Variants in EIF3G observed in about 807,000 individuals in gnomAD.
The protein encoded by EIF3G is eukaryotic translation initiation factor 3 RNA-binding subunit.
A neutral mutation model predicts 41.7 loss-of-function variants in EIF3G; 10 were observed. That is an observed-to-expected ratio of 0.24 (90% confidence interval 0.15 to 0.41). The LOEUF is 0.41. Among genes scored for constraint, EIF3G ranks in the 10% least tolerant of loss-of-function variants. EIF3G has a pLI of 1.00. For missense variants in EIF3G, 297 were observed against 444.0 expected, an observed-to-expected ratio of 0.67 and a Z score of 2.98; for synonymous variants, 204 against 172.5, an observed-to-expected ratio of 1.18 and a Z score of -1.43.
chr19:10,115,744 C>G lies in EIF3G; in HGVS notation c.780G>C (p.Arg260=). The G allele has an allele frequency of 6.2e-7, 1 of 1,614,192 alleles. No individual in the cohort carries two copies. The highest frequency in any genetic ancestry group is 8.5e-7 in the Non-Finnish European group (1 of 1,180,040). ...TRETDLQELF[R]PFGSISRIYL... ...AGATGCGGGAGATGGAGCCGAAAGG[C>G]CGGAAGAGCTCCTGCAGGTCGGTCT... The change falls in exon 9 of 11, where the codon CGG becomes CGC. Residue 260 remains arginine (R), a synonymous_variant. Transcript: ENST00000253108.
Position 10,117,144 on chromosome 19 carries a change from G to C in EIF3G, c.345C>G (p.Pro115=), listed in dbSNP as rs1452509253. 3.7e-6 allele frequency: 6 copies of C among 1,613,332 alleles called. No homozygotes were observed. In the South Asian group the frequency reaches 6.6e-5, roughly 18 times the overall value. The change falls in exon 6 of 11, where the codon CCC becomes CCG. Residue 115 remains proline (P), a synonymous_variant. Transcript: ENST00000253108. ...CACTGACAGTGGTGGTGGCCACATT[G>C]GGTCCGGGGGGGTCAAACTCTGAGT... ...FGNSEFDPPG[P]NVATTTVSDD... is the part of the protein sequence containing the mutation.
At chr19:10,119,000 T>C (rs1242227642) in intron 3 of EIF3G, 44 bp from the exon 4 acceptor site, 2 of 1,613,448 alleles carry the variant, frequency 1.2e-6, no homozygotes, top group African/African-American at 1.3e-5. Flanking sequence ...CCCTGGGTCA[T>C]GGGGATCAGG....
In EIF3G at chr19:10,115,082, GGTCCCGGACCGAGTA is replaced by G. The variant is rs1233967733; in HGVS notation, c.*17_*31del. 1.2e-6 allele frequency: 2 copies of G among 1,613,728 alleles called. No individual in the cohort carries two copies. The highest frequency in any genetic ancestry group is 8.5e-7 in the Non-Finnish European group (1 of 1,179,990). ...TCGGAGGCTGTCTTCTGTCGCCAAG[GGTCCCGGACCGAGTA>G]CACAGTGGCAGCTGGCTTAGTTGGT... On this transcript the variant is annotated 3_prime_UTR_variant, in exon 11 of 11. Transcript: ENST00000253108.
intron 10 of EIF3G, 125 bp downstream of exon 10, chr19:10,115,354 G>C: frequency 8.2e-7 from 1 of 1,220,712 alleles, no homozygotes; most frequent in Non-Finnish European, 1.1e-6. Flanking sequence ...AACAATAAAG[G>C]ACTGTCCCCT....
rs1373468048 is a variant in EIF3G, at chr19:10,116,609, C to G, written c.595+191G>C. The G allele has an allele frequency of 1.7e-6, 1 of 581,324 alleles. No individual in the cohort carries two copies. Among genetic ancestry groups the G allele is most frequent in the African/African-American group, 1.9e-5 (1 of 53,772 alleles). 36.0% of individuals were successfully genotyped at this position (581,324 alleles called of 1,614,324 possible). ...GGGCCACCAGCAAAGTCACAGCTGC[C>G]AAGTCGCACATATATGGGAGACGCC... On this transcript the variant is annotated intron_variant, in intron 7 of 10. Coordinates refer to ENST00000253108, the MANE Select transcript of EIF3G (RefSeq NM_003755.5). The surrounding 1 kb of genome is among the most constrained non-coding windows in gnomAD (Gnocchi z 4.1).
intron 6 of EIF3G, 26 bp downstream of exon 6, chr19:10,117,058 C>G (rs2089263645): frequency 4.3e-6 from 7 of 1,609,506 alleles, no homozygotes; most frequent in Non-Finnish European, 5.9e-6. Context: ...CCCAGGATGC[C>G]AGCCCCACCT....
At chr19:10,119,621 C>T (rs751932738) in intron 2 of EIF3G, 33 bp downstream of exon 2, 3 of 1,554,710 alleles carry the variant, frequency 1.9e-6, no homozygotes, top group Non-Finnish European at 2.6e-6. Flanking sequence ...TTGGGCCTGG[C>T]CGCGAATACC....
intron 2 of EIF3G, 137 bp from the exon 3 acceptor site, chr19:10,119,308 C>T: frequency 2.0e-6 from 2 of 1,002,736 alleles, no homozygotes; most frequent in Non-Finnish European, 1.5e-6. Flanking sequence ...GGCCAGGCAA[C>T]GCACTGGGAT....
In EIF3G at chr19:10,118,859, C is replaced by A. The variant is rs760467792; in HGVS notation, c.240+9G>T. 14 of 1,613,664 alleles carry A rather than the reference C, an allele frequency of 8.7e-6. No homozygotes were observed. The highest frequency in any genetic ancestry group is 4.5e-5 in the East Asian group (2 of 44,878). ...AAGGGTCCCCACTCCCTGCACCCCC[C>A]ACCCTCACCTTGAACTTCTTGCCAT... is the stretch of plus-strand genomic sequence containing the variant. On this transcript the variant is annotated intron_variant, in intron 4 of 10. Transcript: ENST00000253108.
intron 2 of EIF3G, 30 bp downstream of exon 2, chr19:10,119,624 C>T: frequency 6.4e-7 from 1 of 1,555,432 alleles, no homozygotes; most frequent in Non-Finnish European, 8.7e-7. Flanking sequence ...GGCCTGGCCG[C>T]GAATACCCCG....
rs1241132028 is a variant in EIF3G at position 10,115,060 on chromosome 19, G to A, written c.*54C>T. On this transcript the variant is annotated 3_prime_UTR_variant, in exon 11 of 11. Transcript: ENST00000253108. ...ATTGCCCTTGGAGCCCGCGCTCTCGGAGGCTGTCTTCTGTCGCCAAGGGTC... is the reference window on the plus strand; with the variant it reads ...ATTGCCCTTGGAGCCCGCGCTCTCGAAGGCTGTCTTCTGTCGCCAAGGGTC... 10 of 1,612,270 alleles carry A rather than the reference G, an allele frequency of 6.2e-6. No individual in the cohort carries two copies. The East Asian group carries it at 2.2e-4, about 36-fold the overall frequency.
In EIF3G at chr19:10,116,623, A is replaced by T. The variant is rs1399515902; in HGVS notation, c.595+177T>A. On this transcript the variant is annotated intron_variant, in intron 7 of 10. Coordinates refer to ENST00000253108, the MANE Select transcript of EIF3G (RefSeq NM_003755.5). The surrounding 1 kb of genome is among the most constrained non-coding windows in gnomAD (Gnocchi z 4.1). ...GTCACAGCTGCCAAGTCGCACATAT[A>T]TGGGAGACGCCCGTCTCCCAACCAT... is the stretch of plus-strand genomic sequence containing the variant. The T allele has an allele frequency of 1.6e-6, 1 of 623,358 alleles. No homozygotes were observed. Among genetic ancestry groups the T allele is most frequent in the African/African-American group, 1.8e-5 (1 of 54,638 alleles). The allele number at this position is 623,358 out of a possible 1,614,324, so 38.6% of individuals were successfully genotyped here. A position where few individuals can be genotyped will look rare whatever the true frequency, so the allele number is the denominator to read the frequency against.
In EIF3G at chr19:10,116,018, G is replaced by C. The variant is rs1374126172; in HGVS notation, c.652C>G (p.Leu218Val). 6.2e-7 allele frequency: 1 copy of C among 1,613,746 alleles called. No individual in the cohort carries two copies. The highest frequency in any genetic ancestry group is 2.2e-5 in the East Asian group (1 of 44,892). ...NKTGKYVPPS[L>V]RDGASRRGES... ...CCGCGGCGGCTGGCCCCGTCGCGCA[G>C]GCTCGGCGGCACATACTTCCCTGTC... Residue 218 changes from leucine (L) to valine (V), a missense_variant, in exon 8 of 11, where the codon CTG (leucine) becomes GTG (valine). Transcript: ENST00000253108. The surrounding 1 kb of genome is among the most constrained non-coding windows in gnomAD (Gnocchi z 4.1).
Position 10,119,864 on chromosome 19 carries a change from A to G in EIF3G, c.-5T>C. ...CTCAAAGTCTCCAGTAGGCATCGCA[A>G]AAAGTATTCTCCACGCAGCCCAAGC... is the stretch of plus-strand genomic sequence containing the variant. On this transcript the variant is annotated 5_prime_UTR_variant, in exon 1 of 11. Transcript: ENST00000253108. 6.2e-7 allele frequency: 1 copy of G among 1,614,164 alleles called. No individual in the cohort carries two copies. The highest frequency in any genetic ancestry group is 8.5e-7 in the Non-Finnish European group (1 of 1,180,032).
At position 10,115,017 on chromosome 19, in the gene EIF3G, A is replaced by T. The variant is rs1157289019; in HGVS notation, c.*97T>A. ...CGCAAGAACAAAAAGAACCAAGTAG[A>T]GAGAGTGGAGCTGCTTTATTGCCCT... On this transcript the variant is annotated 3_prime_UTR_variant, in exon 11 of 11. Coordinates refer to ENST00000253108, the MANE Select transcript of EIF3G (RefSeq NM_003755.5). 6.4e-7 allele frequency: 1 copy of T among 1,562,440 alleles called. No homozygotes were observed. The highest frequency in any genetic ancestry group is 2.3e-5 in the East Asian group (1 of 44,126).
chr19:10,115,207 G>T, intron 10 of EIF3G, 78 bp from the exon 11 acceptor site: 1 of 1,569,516 alleles, frequency 6.4e-7, no homozygotes, highest in Non-Finnish European at 8.7e-7. Flanking sequence ...GCATCTTGGG[G>T]GTGGGTGGGC....
At chr19:10,118,531 C>T (rs2089277861) in intron 5 of EIF3G, 137 bp downstream of exon 5, 3 of 991,068 alleles carry the variant, frequency 3.0e-6, no homozygotes, top group Non-Finnish European at 4.5e-6. Flanking sequence ...TGCCACTGCA[C>T]TTCAGCCTGG....
Position 10,116,185 on chromosome 19 carries a change from C to G in EIF3G, c.596-111G>C. 9.0e-7 allele frequency: 1 copy of G among 1,108,070 alleles called. No individual in the cohort carries two copies. The highest frequency in any genetic ancestry group is 1.5e-5 in the South Asian group (1 of 65,024). The allele number at this position is 1,108,070 out of a possible 1,614,324, so 68.6% of individuals were successfully genotyped here. A position where few individuals can be genotyped will look rare whatever the true frequency, so the allele number is the denominator to read the frequency against. ...TTGAGCCAGCGCAGGCACTGTGTGCCAAACCACAGGCAGCCAGTTGGCCAC... is the reference window on the plus strand; with the variant it reads ...TTGAGCCAGCGCAGGCACTGTGTGCGAAACCACAGGCAGCCAGTTGGCCAC... On this transcript the variant is annotated intron_variant, in intron 7 of 10. Coordinates refer to ENST00000253108, the MANE Select transcript of EIF3G (RefSeq NM_003755.5). The surrounding 1 kb of genome is among the most constrained non-coding windows in gnomAD (Gnocchi z 4.1).
Position 10,115,121 on chromosome 19 carries a change from G to A in EIF3G, c.956C>T (p.Thr319Ile). 1 of 1,614,034 alleles carries A rather than the reference G, an allele frequency of 6.2e-7. No homozygotes were observed. The highest frequency in any genetic ancestry group is 8.5e-7 in the Non-Finnish European group (1 of 1,180,012). The change falls in exon 11 of 11, where the codon ACC becomes ATC. Residue 319 changes from threonine (T) to isoleucine (I), a missense_variant. By Grantham distance (89) the Thr-to-Ile change is moderately conservative. Transcript: ENST00000253108. The stretch of plus-strand genomic sequence containing the variant: ...TACACAGTGGCAGCTGGCTTAGTTG[G>A]TGGACGGCCTGGGGTAGGGGAGGGT... ...ILNVEWAKPSTN is the reference protein window; with the variant it reads ...ILNVEWAKPSIN
Sources: gnomAD v4.1 joint callset for allele counts on GRCh38, gnomAD v4.1.1 for gene constraint, Gnocchi (gnomAD v3.1) non-coding constraint, MANE v1.5 for transcripts, NCBI Gene and HGNC (gene_info 2026-07-23, HGNC 2026-07-21) for gene names.